Variants in URB1 observed in about 807,000 individuals in gnomAD.
URB1 encodes URB1 ribosome biogenesis factor.
Under a neutral mutation model 242.3 loss-of-function variants are expected in URB1, and 197 were observed. That is an observed-to-expected ratio of 0.81 (90% CI 0.72 to 0.91). The LOEUF (loss-of-function observed/expected upper bound fraction) is 0.91, where lower values mean the gene tolerates loss of function less well. Ranked by LOEUF, URB1 falls within the 40% of genes least tolerant of loss-of-function variation. URB1 has a pLI of 0.00. For synonymous variants in URB1, 1,153 were observed against 1,201.8 expected (o/e 0.96, Z 0.84); for missense variants, 2,721 against 2,860.5 (o/e 0.95, Z 1.11).
At chr21:32,324,987 C>T (rs1190349045) in intron 31 of URB1, among the ~76,000 whole-genome samples, 1 of 152,158 alleles carries the variant, frequency 6.6e-6, no homozygotes, top group South Asian at 2.1e-4. Flanking sequence ...TTTGTCTACA[C>T]ACAACACAAG....
At chr21:32,391,456 G>C (rs75584499) in intron 1 of URB1, among the ~76,000 whole-genome samples, 1 of 151,994 alleles carries the variant, frequency 6.6e-6, no homozygotes, top group Non-Finnish European at 1.5e-5. Context: ...AACACCCTCA[G>C]GCACCATGTA....
intron 15 of URB1, among the ~76,000 whole-genome samples, chr21:32,356,443 T>C (rs2033221802): frequency 1.3e-5 from 2 of 152,200 alleles, no homozygotes; most frequent in Admixed American, 1.3e-4. Context: ...ACTCATCGTT[T>C]ATCCTCATTT....
At chr21:32,362,344 T>C (rs1237935182) in intron 11 of URB1, among the ~76,000 whole-genome samples, 1 of 152,080 alleles carries the variant, frequency 6.6e-6, no homozygotes, top group Non-Finnish European at 1.5e-5. Context: ...TAGCTGGAAC[T>C]ACAGGCACCC....
rs923187388 is a variant in URB1, at chr21:32,347,748, G to A, written c.3076C>T (p.Leu1026=). ...TGCGGCGGGAGGGCCTGCTGCTCCA[G>A]GGCCAGGAACCAGCCCTCCAGGGTG... is the stretch of plus-strand genomic sequence containing the variant. ...HPTLEGWFLA[L]EQQALPPHTL... Residue 1026 remains leucine, a synonymous_variant, in exon 22 of 39, where the codon CTG becomes TTG. Transcript: ENST00000382751. 49 of 1,549,486 alleles carry A rather than the reference G, an allele frequency of 3.2e-5. No homozygotes were observed. Among genetic ancestry groups the A allele is most frequent in the Non-Finnish European group, 4.0e-5 (46 of 1,146,986 alleles).
At position 32,341,495 on chromosome 21, in the gene URB1, G is replaced by A; in HGVS notation, c.4287C>T (p.Asp1429=). The A allele has an allele frequency of 6.4e-7, 1 of 1,551,524 alleles. No homozygotes were observed. The highest frequency in any genetic ancestry group is 2.4e-5 in the East Asian group (1 of 40,914). ...GTCCCTTCTTCACGAATTTCTGCCA[G>A]TCACCAGGATCAACTTCATTAAGTG... ...LHALNEVDPG[D]WQKFVKKGLK... Residue 1429 remains aspartate, a synonymous_variant, in exon 25 of 39, where the codon GAC becomes GAT. Coordinates refer to ENST00000382751, the MANE Select transcript of URB1 (RefSeq NM_014825.3).
At position 32,347,113 on chromosome 21, in the gene URB1, G is replaced by A. The variant is rs556965667; in HGVS notation, c.3711C>T (p.Leu1237=). 7 of 1,549,794 alleles carry A rather than the reference G, an allele frequency of 4.5e-6. No individual in the cohort carries two copies. Among genetic ancestry groups the A allele is most frequent in the African/African-American group, 4.1e-5 (3 of 73,148 alleles). Residue 1237 remains leucine (L), a synonymous_variant, in exon 22 of 39, where the codon CTC becomes CTT. Transcript: ENST00000382751. The stretch of plus-strand genomic sequence containing the variant: ...GCAAGTGGGTGCAGCTCTCCTGGAG[G>A]AGCAGGGCAGCGATGCTGAGGGCCG... ...TQAALSIAAL[L]LQESCTHLLW...
intron 5 of URB1, 114 bp downstream of exon 5, chr21:32,378,331 G>C: frequency 1.1e-6 from 1 of 897,900 alleles, no homozygotes; most frequent in Non-Finnish European, 1.8e-6. Flanking sequence ...CCTTCAATCT[G>C]GTGTACACAG....
At chr21:32,370,284 T>TA (rs985569040) in intron 8 of URB1, among the ~76,000 whole-genome samples, 11 of 151,978 alleles carry the variant, frequency 7.2e-5, no homozygotes, top group Non-Finnish European at 1.0e-4. Context: ...TTACATATAG[T>TA]AAAAAAAGTT....
In URB1 at chr21:32,354,068, T is replaced by A; in HGVS notation, c.2281A>T (p.Ser761Cys). ...CCTATTTCCTCATCCAAGCCTTCAC[T>A]GCCCTCCACCAGGACATCCACCATG... ...LDMVDVLVEG[S>C]EGLDEEIGFT... The change falls in exon 18 of 39, where the codon AGT becomes TGT. Residue 761 changes from serine to cysteine, a missense_variant. Ser to Cys is a moderately radical substitution (Grantham distance 112). Transcript: ENST00000382751. The A allele has an allele frequency of 1.9e-6, 3 of 1,551,666 alleles. No individual in the cohort carries two copies. In the African/African-American group the frequency reaches 4.1e-5, roughly 21 times the overall value.
intron 33 of URB1, 131 bp downstream of exon 33, chr21:32,322,347 G>T: frequency 1.2e-6 from 1 of 808,872 alleles, no homozygotes. Context: ...GCAGGCCTGC[G>T]TGGCCACCGA....
In URB1 at chr21:32,355,513, C is replaced by T. The variant is rs925024881; in HGVS notation, c.2042G>A (p.Trp681Ter). The T allele has an allele frequency of 6.4e-7, 1 of 1,551,792 alleles. No individual in the cohort carries two copies. Among genetic ancestry groups the T allele is most frequent in the Non-Finnish European group, 8.7e-7 (1 of 1,147,014 alleles). The change falls in exon 16 of 39, where the codon TGG (tryptophan) becomes TAG (stop). Residue 681 changes from tryptophan (W) to a stop codon, truncating the protein, a stop_gained. Coordinates refer to ENST00000382751, the MANE Select transcript of URB1 (RefSeq NM_014825.3). LOFTEE classifies it high-confidence loss of function. ...FEHTWKELEL[W>*]LEHLENTMEE... ...CATGGTGTTCTCTAAATGCTCCAGC[C>T]AGAGCTCCAGCTCCTTCCAGGTGTG...
chr21:32,382,743 CCTG>C (rs2033540456), intron 4 of URB1, among the ~76,000 whole-genome samples: 2 of 152,082 alleles, frequency 1.3e-5, no homozygotes, highest in Non-Finnish European at 2.9e-5. Flanking sequence ...CGACAGACAA[CCTG>C]GAGCCAGCAC....
chr21:32,360,736 G>C (rs1187013678), intron 13 of URB1, among the ~76,000 whole-genome samples: 1 of 152,240 alleles, frequency 6.6e-6, no homozygotes, highest in Admixed American at 6.5e-5. Context: ...AACGTCACAT[G>C]ATCGGATTTG....
intron 1 of URB1, among the ~76,000 whole-genome samples, chr21:32,388,773 G>A (rs1196936440): frequency 1.3e-5 from 2 of 152,184 alleles, no homozygotes; most frequent in Non-Finnish European, 2.9e-5. Flanking sequence ...GGAATTATTC[G>A]TCAAACTCTA....
chr21:32,330,353 C>G (rs900456664), intron 30 of URB1, among the ~76,000 whole-genome samples: 2 of 151,506 alleles, frequency 1.3e-5, no homozygotes, highest in Non-Finnish European at 2.9e-5. Context: ...AATTTTTCTA[C>G]CTGTATTAAA....
intron 31 of URB1, 64 bp downstream of exon 31, chr21:32,325,165 C>G: frequency 6.7e-7 from 1 of 1,490,690 alleles, no homozygotes; most frequent in Non-Finnish European, 9.0e-7. Flanking sequence ...ACCGGGTGGA[C>G]AGCCAGCTCT....
intron 19 of URB1, among the ~76,000 whole-genome samples, chr21:32,351,881 C>T (rs917204863): frequency 2.6e-5 from 4 of 152,238 alleles, no homozygotes; most frequent in Non-Finnish European, 5.9e-5. Flanking sequence ...CAAATCCTGA[C>T]TCCGCCACTG....
rs1261528614 is a variant in URB1, at chr21:32,315,070, T to C, written c.6664A>G (p.Ile2222Val). The change falls in exon 39 of 39, where the codon ATA becomes GTA. Residue 2222 changes from isoleucine (I) to valine (V), a missense_variant. Physicochemically the swap from Ile to Val is conservative, Grantham distance 29. Coordinates refer to ENST00000382751, the MANE Select transcript of URB1 (RefSeq NM_014825.3). ...ASAAFLVSLY[I>V]KDIWLGAQRP... is the part of the protein sequence containing the mutation. ...TGAGCCCCCAGCCAGATGTCCTTTA[T>C]GTAGAGAGACACTAGGAATGCTGCG... 2 of 1,544,056 alleles carry C rather than the reference T, an allele frequency of 1.3e-6. No homozygotes were observed. Among genetic ancestry groups the C allele is most frequent in the Admixed American group, 4.0e-5 (2 of 50,538 alleles).
intron 24 of URB1, among the ~76,000 whole-genome samples, chr21:32,342,652 G>GT (rs59096435): frequency 1 from 147,126 of 147,128 alleles, 73,562 homozygotes; most frequent in Middle Eastern, 1. Flanking sequence ...GCTCCAGGAA[G>GT]CACTAGTGCC....
Sources: gnomAD v4.1 joint callset for allele counts (sites outside exome capture counted in the v4.1 genomes callset) on GRCh38, gnomAD v4.1.1 for gene constraint, MANE v1.5 for transcripts, NCBI Gene and HGNC (gene_info 2026-07-23, HGNC 2026-07-21) for gene names.